WTAP: variants seen among roughly 807,000 people sequenced by gnomAD.
WTAP encodes pre-mRNA-splicing regulator WTAP.
In WTAP, 8 loss-of-function variants were observed where a neutral mutation model predicts 50.0. The observed-to-expected ratio is 0.16, with a 90% CI of 0.09 to 0.29. The LOEUF is 0.29. Among genes scored for constraint, WTAP ranks in the 10% least tolerant of loss-of-function variants. The probability of loss-of-function intolerance (pLI) is 1.00; values close to 1 mark genes in which losing one functional copy is unlikely to be tolerated. For synonymous variants in WTAP, 194 were observed against 169.0 expected (o/e 1.15, Z -1.15); for missense variants, 295 against 470.7 (o/e 0.63, Z 3.45).
chr6:159,735,517 A>C (rs899099324), intron 1 of WTAP, among the ~76,000 whole-genome samples: 1 of 152,182 alleles, frequency 6.6e-6, no homozygotes, highest in Non-Finnish European at 1.5e-5. Context: ...TTGGGAGGCC[A>C]AGGCGGACGG....
chr6:159,730,269 C>T (rs1218594136), intron 1 of WTAP, among the ~76,000 whole-genome samples: 1 of 152,146 alleles, frequency 6.6e-6, no homozygotes, highest in Non-Finnish European at 1.5e-5. Context: ...AAGAACTGAA[C>T]ATATTTTCTT....
intron 6 of WTAP, among the ~76,000 whole-genome samples, chr6:159,752,659 T>TA (rs111964741): frequency 2.5e-4 from 38 of 149,388 alleles, no homozygotes; most frequent in Middle Eastern, 3.4e-3. Flanking sequence ...CTTAAGTCTT[T>TA]AAAAAAAAAA....
Position 159,748,601 on chromosome 6 carries a change from C to T in WTAP, c.452+232C>T. 5.2e-6 allele frequency: 7 copies of T among 1,336,034 alleles called. No homozygotes were observed. The highest frequency in any genetic ancestry group is 6.7e-6 in the Non-Finnish European group (7 of 1,045,600). 82.8% of individuals were successfully genotyped at this position (1,336,034 alleles called of 1,614,324 possible). ...TCCCCTTGCTTCAGAGGCCTGATGG[C>T]GTCGGACTATTCCGAAGAAGTGGCC... On this transcript the variant is annotated intron_variant, in intron 6 of 7. Transcript: ENST00000621533. The surrounding 1 kb of genome is among the most constrained non-coding windows in gnomAD (Gnocchi z 5.6).
At chr6:159,739,167 T>C in intron 3 of WTAP, 122 bp downstream of exon 3, 1 of 779,454 alleles carries the variant, frequency 1.3e-6, no homozygotes. Flanking sequence ...AATAATTTAA[T>C]GTACTTTTTG....
Position 159,755,620 on chromosome 6 carries a change from C to T in WTAP, c.*9C>T, listed in dbSNP as rs759468006. ...AGGGTTCAGTTTTGTAATATTTTTTCAGCAAATTTTTATACAGTGTCATTT... is the reference window on the plus strand; with the variant it reads ...AGGGTTCAGTTTTGTAATATTTTTTTAGCAAATTTTTATACAGTGTCATTT... On this transcript the variant is annotated 3_prime_UTR_variant, in exon 8 of 8. Transcript: ENST00000621533. The T allele has an allele frequency of 6.3e-7, 1 of 1,579,040 alleles. No homozygotes were observed. The highest frequency in any genetic ancestry group is 8.6e-7 in the Non-Finnish European group (1 of 1,163,256).
In WTAP at chr6:159,728,115, C is replaced by T. The variant is rs548728071; in HGVS notation, c.-9+412C>T. Among the ~76,000 whole-genome samples the T allele has an allele frequency of 2.6e-5, 4 of 152,372 alleles. No homozygotes were observed. In the East Asian group the frequency reaches 7.7e-4, roughly 29 times the overall value. Reference sequence around the variant, plus strand: ...CAAGGAAAAAAAGAAACATTCGTTCCCTACATTTCATGTCACGCAGTAGGA... The same window carrying T: ...CAAGGAAAAAAAGAAACATTCGTTCTCTACATTTCATGTCACGCAGTAGGA... On this transcript the variant is annotated intron_variant, in intron 1 of 7. Transcript: ENST00000621533.
intron 6 of WTAP, 131 bp from the exon 7 acceptor site, chr6:159,753,329 T>G: frequency 8.0e-7 from 1 of 1,250,398 alleles, no homozygotes; most frequent in Non-Finnish European, 1.1e-6. Context: ...GAAAAGAAGA[T>G]GGTAATTATG....
At chr6:159,737,268 C>T (rs1438345519) in intron 2 of WTAP, among the ~76,000 whole-genome samples, 3 of 151,318 alleles carry the variant, frequency 2.0e-5, no homozygotes, top group African/African-American at 4.9e-5. Flanking sequence ...AGGCTGGTCT[C>T]GAACTCCCGG....
rs751211863 is a variant in WTAP at position 159,755,713 on chromosome 6, G to A, written c.*102G>A. The A allele has an allele frequency of 9.9e-7, 1 of 1,014,226 alleles. No individual in the cohort carries two copies. Among genetic ancestry groups the A allele is most frequent in the Non-Finnish European group, 1.2e-6 (1 of 858,780 alleles). The allele number at this position is 1,014,226 out of a possible 1,614,324, so 62.8% of individuals were successfully genotyped here. ...TGTCACAATTTGCCTTTTTGTGGGT[G>A]TACGTTTTGGTTTTTTTTTGTTGTT... On this transcript the variant is annotated 3_prime_UTR_variant, in exon 8 of 8. Transcript: ENST00000621533.
intron 1 of WTAP, among the ~76,000 whole-genome samples, chr6:159,729,099 A>G (rs1016717847): frequency 2.6e-4 from 40 of 152,222 alleles, no homozygotes; most frequent in Non-Finnish European, 5.6e-4. Context: ...AAGCCCTGTG[A>G]TGTGGAGATG....
chr6:159,753,220 A>G (rs1051977803), intron 6 of WTAP: 2 of 509,792 alleles, frequency 3.9e-6, no homozygotes, highest in African/African-American at 3.8e-5. Context: ...TATTGATGTA[A>G]TAGAAACAAG....
At chr6:159,734,665 A>G (rs958374151) in intron 1 of WTAP, among the ~76,000 whole-genome samples, 27 of 152,182 alleles carry the variant, frequency 1.8e-4, no homozygotes, top group African/African-American at 5.8e-4. Flanking sequence ...AAGAATAGGA[A>G]AAACTAAATT....
chr6:159,745,477 A>C (rs914793552), intron 5 of WTAP, among the ~76,000 whole-genome samples: 6 of 151,516 alleles, frequency 4.0e-5, no homozygotes, highest in African/African-American at 1.5e-4. Flanking sequence ...TGCATACGCC[A>C]GCTGAACAAC....
intron 4 of WTAP, 109 bp downstream of exon 4, chr6:159,742,255 T>G (rs948079566): frequency 3.3e-6 from 3 of 910,644 alleles, no homozygotes; most frequent in South Asian, 3.3e-5. Context: ...TCGTGTTTTA[T>G]TATAAGAACT....
In WTAP at chr6:159,748,967, A is replaced by G; in HGVS notation, c.452+598A>G. The G allele has an allele frequency of 9.4e-7, 1 of 1,067,408 alleles. No individual in the cohort carries two copies. The highest frequency in any genetic ancestry group is 1.1e-6 in the Non-Finnish European group (1 of 883,644). The allele number at this position is 1,067,408 out of a possible 1,614,324, so 66.1% of individuals were successfully genotyped here. ...TTGCCTTTAAAGGGTTTATTTGCTG[A>G]GAACCAACTTTCAATAGTCATGAGA... is the stretch of plus-strand genomic sequence containing the variant. On this transcript the variant is annotated intron_variant, in intron 6 of 7. Transcript: ENST00000621533. This position sits in a 1 kb window ranked among gnomAD's most constrained non-coding sequence, Gnocchi z 5.6.
At chr6:159,751,777 T>C (rs1186331479) in intron 6 of WTAP, among the ~76,000 whole-genome samples, 2 of 152,168 alleles carry the variant, frequency 1.3e-5, no homozygotes, top group East Asian at 1.9e-4. Flanking sequence ...TTAGAAAACA[T>C]GCAGCCAGGC....
chr6:159,754,601 C>T (rs577262113), intron 7 of WTAP, among the ~76,000 whole-genome samples: 66 of 152,290 alleles, frequency 4.3e-4, no homozygotes, highest in Middle Eastern at 3.4e-3. Context: ...GTCATATTTA[C>T]ATATAAACCT....
In WTAP at chr6:159,755,724, T is replaced by G. The variant is rs191952042; in HGVS notation, c.*113T>G. On this transcript the variant is annotated 3_prime_UTR_variant, in exon 8 of 8. Coordinates refer to ENST00000621533, the MANE Select transcript of WTAP (RefSeq NM_001270531.2). ...GCCTTTTTGTGGGTGTACGTTTTGG[T>G]TTTTTTTTGTTGTTTTTTTTCTTTG... 566 of 1,232,078 alleles carry G rather than the reference T, an allele frequency of 4.6e-4. No individual in the cohort carries two copies. The highest frequency in any genetic ancestry group is 1.6e-3 in the African/African-American group (93 of 59,356). 76.3% of individuals were successfully genotyped at this position (1,232,078 alleles called of 1,614,324 possible).
chr6:159,753,132 GGT>G (rs1264775847), intron 6 of WTAP, among the ~76,000 whole-genome samples: 2 of 152,172 alleles, frequency 1.3e-5, no homozygotes, highest in African/African-American at 4.8e-5. Context: ...GTATAGCCAA[GGT>G]GTGTGTTAAT....
Sources: gnomAD v4.1 joint callset for allele counts (sites outside exome capture counted in the v4.1 genomes callset) on GRCh38, gnomAD v4.1.1 for gene constraint, Gnocchi (gnomAD v3.1) non-coding constraint, MANE v1.5 for transcripts, NCBI Gene and HGNC (gene_info 2026-07-23, HGNC 2026-07-21) for gene names.